SCAI: variants seen among roughly 807,000 people sequenced by gnomAD.
SCAI encodes the protein suppressor of cancer cell invasion.
Under a neutral mutation model 92.2 loss-of-function variants are expected in SCAI, and 24 were observed. The ratio of observed to expected loss-of-function variants is 0.26; its 90% CI spans 0.19 to 0.37. SCAI has a LOEUF of 0.37. SCAI is among the 10% of genes least tolerant of loss of function. The pLI is 1.00. For missense variants in SCAI, 450 were observed against 736.2 expected (o/e 0.61, Z 4.50); for synonymous variants, 261 against 258.6 (o/e 1.01, Z -0.09).
chr9:125,092,262 C>A (rs1834446578), intron 2 of SCAI, among the ~76,000 whole-genome samples: 1 of 150,582 alleles, frequency 6.6e-6, no homozygotes, highest in African/African-American at 2.4e-5. Flanking sequence ...AGTTCAAGAC[C>A]ACCTGGCCAA....
In SCAI at chr9:124,943,947, C is replaced by A. The variant is rs1272308076; in HGVS notation, c.*8860G>T. ...AATCACTATTTATACTGGTGCTACA[C>A]AACGAAGATAACCTATATGGATAAG... is the stretch of plus-strand genomic sequence containing the variant. On this transcript the variant is annotated 3_prime_UTR_variant, in exon 18 of 18. Coordinates refer to ENST00000336505, the MANE Select transcript of SCAI (RefSeq NM_001144877.3). 3 of 152,200 alleles carry A rather than the reference C, an allele frequency of 2.0e-5. No homozygotes were observed. The highest frequency in any genetic ancestry group is 4.4e-5 in the Non-Finnish European group (3 of 68,016). The allele number at this position is 152,200 out of a possible 1,614,324, so 9.4% of individuals were successfully genotyped here.
Position 124,997,072 on chromosome 9 carries a change from G to C in SCAI, c.1245-2057C>G, listed in dbSNP as rs905458888. Among the ~76,000 whole-genome samples the C allele has an allele frequency of 3.3e-5, 5 of 152,234 alleles. No individual in the cohort carries two copies. In the South Asian group the frequency reaches 1.0e-3, roughly 32 times the overall value. ...AGAACTACCGTTGCACTCTGCTTCT[G>C]AGTGCAACTTTTTCAGATTCCACAT... On this transcript the variant is annotated intron_variant, in intron 13 of 17. Coordinates refer to ENST00000336505, the MANE Select transcript of SCAI (RefSeq NM_001144877.3).
intron 9 of SCAI, among the ~76,000 whole-genome samples, chr9:125,014,101 TC>T (rs1832698346): frequency 6.6e-6 from 1 of 152,110 alleles, no homozygotes; most frequent in Non-Finnish European, 1.5e-5. Context: ...CTGGAAGCAT[TC>T]CCTTTGAAAA....
intron 2 of SCAI, among the ~76,000 whole-genome samples, chr9:125,099,187 A>T (rs1012008573): frequency 6.6e-6 from 1 of 152,244 alleles, no homozygotes; most frequent in Non-Finnish European, 1.5e-5. Flanking sequence ...ATTCATATCC[A>T]GGAAAAAATA....
intron 2 of SCAI, among the ~76,000 whole-genome samples, chr9:125,094,579 G>A (rs1002326041): frequency 6.6e-6 from 1 of 152,170 alleles, no homozygotes; most frequent in Non-Finnish European, 1.5e-5. Context: ...ACGGCTCACT[G>A]AAGCCTCGAC....
At chr9:125,127,395 C>T (rs992170360) in intron 2 of SCAI, among the ~76,000 whole-genome samples, 1 of 148,488 alleles carries the variant, frequency 6.7e-6, no homozygotes. Flanking sequence ...GGAGAAGGTC[C>T]CAGGGCAGAA....
intron 2 of SCAI, among the ~76,000 whole-genome samples, chr9:125,067,548 G>A (rs558131956): frequency 4.1e-4 from 62 of 152,302 alleles, no homozygotes; most frequent in African/African-American, 1.5e-3. Flanking sequence ...CCGGGAGAGA[G>A]ACCTGGAACA....
chr9:125,115,095 G>A (rs910881560), intron 2 of SCAI, among the ~76,000 whole-genome samples: 18 of 151,884 alleles, frequency 1.2e-4, no homozygotes, highest in South Asian at 2.1e-4. Flanking sequence ...TGAAGCAGCC[G>A]GGCGCGGTGG....
At chr9:125,132,822 A>G (rs2131267401) in intron 2 of SCAI, among the ~76,000 whole-genome samples, 1 of 152,066 alleles carries the variant, frequency 6.6e-6, no homozygotes, top group Non-Finnish European at 1.5e-5. Context: ...CAAATTAGCC[A>G]GGCATGGTGG....
chr9:125,003,644 A>G (rs1386960133), intron 9 of SCAI, 74 bp from the exon 10 acceptor site: 1 of 869,762 alleles, frequency 1.1e-6, no homozygotes, highest in Non-Finnish European at 1.9e-6. Context: ...TTATCACGTT[A>G]CTAGTTGTGA....
chr9:124,943,487 G>GA lies in SCAI; in HGVS notation c.*9319dup, dbSNP rs1588107097. ...AGCACTTGGATAAGAATTGTTACAT[G>GA]AAAAATATTGTGCTTCAGTCTCTTG... On this transcript the variant is annotated 3_prime_UTR_variant, in exon 18 of 18. Coordinates refer to ENST00000336505, the MANE Select transcript of SCAI (RefSeq NM_001144877.3). 1 of 152,172 alleles carries GA rather than the reference G, an allele frequency of 6.6e-6. No homozygotes were observed. Among genetic ancestry groups the GA allele is most frequent in the East Asian group, 1.9e-4 (1 of 5,202 alleles). The allele number at this position is 152,172 out of a possible 1,614,324, so 9.4% of individuals were successfully genotyped here. A position where few individuals can be genotyped will look rare whatever the true frequency, so the allele number is the denominator to read the frequency against.
At chr9:124,953,534 G>T (rs1424871424) in intron 17 of SCAI, among the ~76,000 whole-genome samples, 1 of 152,190 alleles carries the variant, frequency 6.6e-6, no homozygotes, top group African/African-American at 2.4e-5. Flanking sequence ...GCTGAGGCAG[G>T]AGAACTGCTT....
At chr9:124,990,784 G>C (rs114253250) in intron 14 of SCAI, among the ~76,000 whole-genome samples, 2 of 152,166 alleles carry the variant, frequency 1.3e-5, no homozygotes, top group Non-Finnish European at 2.9e-5. Flanking sequence ...TCTGGGAAGA[G>C]GCAAATAGGG....
chr9:125,058,049 T>C (rs1006347137), intron 2 of SCAI, among the ~76,000 whole-genome samples: 5 of 151,336 alleles, frequency 3.3e-5, no homozygotes, highest in Non-Finnish European at 5.9e-5. Context: ...CAGAGAGCTA[T>C]GATCCCTCCA....
chr9:125,063,191 C>T (rs868515911), intron 2 of SCAI, among the ~76,000 whole-genome samples: 3 of 151,038 alleles, frequency 2.0e-5, no homozygotes, highest in East Asian at 3.9e-4. Context: ...GGGCGGATCA[C>T]TTGGATTGGG....
chr9:125,088,130 C>A (rs1040967884), intron 2 of SCAI, among the ~76,000 whole-genome samples: 1 of 152,098 alleles, frequency 6.6e-6, no homozygotes, highest in African/African-American at 2.4e-5. Context: ...CAGGGTCTCA[C>A]TGTCACCCAG....
chr9:125,027,976 A>C (rs1832995472), intron 5 of SCAI, among the ~76,000 whole-genome samples: 1 of 152,228 alleles, frequency 6.6e-6, no homozygotes, highest in Non-Finnish European at 1.5e-5. Flanking sequence ...TATAATAAAA[A>C]ATATCTTTCA....
At chr9:125,028,771 T>C (rs1343615802) in intron 4 of SCAI, among the ~76,000 whole-genome samples, 4 of 150,792 alleles carry the variant, frequency 2.7e-5, no homozygotes, top group Admixed American at 2.1e-4. Context: ...TATAATATTG[T>C]CTTTAAAAAT....
intron 2 of SCAI, among the ~76,000 whole-genome samples, chr9:125,088,071 G>A (rs764325534): frequency 2.0e-4 from 30 of 152,134 alleles, no homozygotes; most frequent in Admixed American, 1.2e-3. Flanking sequence ...TTGTTGATAC[G>A]TCAATAGAAT....
Sources: allele counts gnomAD v4.1 joint callset (sites outside exome capture counted in the v4.1 genomes callset), GRCh38; gene constraint gnomAD v4.1.1; transcripts MANE v1.5; gene names NCBI Gene and HGNC (gene_info 2026-07-23, HGNC 2026-07-21).